TDRD5: variants seen among roughly 807,000 people sequenced by gnomAD.
The protein encoded by TDRD5 is tudor domain containing 5.
Under a neutral mutation model 120.6 loss-of-function variants are expected in TDRD5, and 41 were observed. That is an observed-to-expected ratio of 0.34 (90% confidence interval 0.26 to 0.44). The LOEUF (loss-of-function observed/expected upper bound fraction) is 0.44. Among genes scored for constraint, TDRD5 ranks in the 20% least tolerant of loss-of-function variants. TDRD5 has a pLI of 1.00. For missense variants in TDRD5, 1,006 were observed against 1,221.2 expected (o/e 0.82, Z 2.63); for synonymous variants, 430 against 433.7 (o/e 0.99, Z 0.11).
intron 14 of TDRD5, 42 bp from the exon 15 acceptor site, chr1:179,662,062 A>C (rs1679337977): frequency 1.3e-6 from 2 of 1,491,280 alleles, no homozygotes; most frequent in Non-Finnish European, 1.8e-6. Context: ...TCATATAGGA[A>C]CTATAAATGA....
At chr1:179,641,004 C>G (rs1313549554) in intron 11 of TDRD5, among the ~76,000 whole-genome samples, 1 of 152,132 alleles carries the variant, frequency 6.6e-6, no homozygotes, top group African/African-American at 2.4e-5. Flanking sequence ...AGATAATTCT[C>G]TAGCAACATT....
chr1:179,602,592 T>TG (rs1250581163), intron 4 of TDRD5, among the ~76,000 whole-genome samples: 26 of 152,354 alleles, frequency 1.7e-4, no homozygotes, highest in African/African-American at 5.8e-4. Flanking sequence ...TTCTCCTACA[T>TG]GCGGCTAGCC....
intron 10 of TDRD5, 56 bp from the exon 11 acceptor site, chr1:179,640,323 G>C (rs1677976852): frequency 3.8e-6 from 6 of 1,585,964 alleles, no homozygotes; most frequent in Non-Finnish European, 5.2e-6. Context: ...CATGCTAAGA[G>C]GTGCATTTAT....
intron 14 of TDRD5, among the ~76,000 whole-genome samples, chr1:179,658,397 T>C (rs1231780784): frequency 6.6e-6 from 1 of 152,154 alleles, no homozygotes; most frequent in Non-Finnish European, 1.5e-5. Context: ...GCCTGGAGAC[T>C]TTTTTCCAGA....
At chr1:179,687,780 C>T (rs1213019486) in intron 17 of TDRD5, among the ~76,000 whole-genome samples, 1 of 151,836 alleles carries the variant, frequency 6.6e-6, no homozygotes, top group Non-Finnish European at 1.5e-5. Flanking sequence ...TTGAATTGAT[C>T]CCTTTACCAT....
chr1:179,649,368 T>C (rs965475436), intron 11 of TDRD5, among the ~76,000 whole-genome samples: 1 of 152,138 alleles, frequency 6.6e-6, no homozygotes, highest in East Asian at 1.9e-4. Flanking sequence ...TTATTAAAAG[T>C]GTTAAAACTT....
chr1:179,681,734 A>T (rs1680430953), intron 17 of TDRD5, among the ~76,000 whole-genome samples: 2 of 151,284 alleles, frequency 1.3e-5, no homozygotes, highest in African/African-American at 4.9e-5. Context: ...CCAAAAAAAA[A>T]TTAATTTTTT....
At chr1:179,626,734 G>A (rs12047528) in intron 6 of TDRD5, among the ~76,000 whole-genome samples, 13,679 of 152,080 alleles carry the variant, frequency 0.09, 681 homozygotes, top group Middle Eastern at 0.12. Context: ...AACTTTTTCT[G>A]TGTTTGAAAT....
chr1:179,619,332 C>T (rs1017349039), intron 5 of TDRD5, among the ~76,000 whole-genome samples: 2 of 152,052 alleles, frequency 1.3e-5, no homozygotes, highest in African/African-American at 2.4e-5. Context: ...ATGTGAATTG[C>T]CTGTTTATGT....
intron 2 of TDRD5, among the ~76,000 whole-genome samples, chr1:179,593,066 A>G (rs566183332): frequency 2.6e-5 from 4 of 152,230 alleles, no homozygotes; most frequent in Non-Finnish European, 5.9e-5. Context: ...CACAAAAGCT[A>G]CATTTTTACA....
intron 17 of TDRD5, among the ~76,000 whole-genome samples, chr1:179,675,270 ATTATTTTTT>A (rs1196306953): frequency 1.7e-5 from 1 of 59,256 alleles, no homozygotes; most frequent in Non-Finnish European, 3.5e-5. Flanking sequence ...TATTATTATT[ATTATTTTTT>A]TTTTTTTTTT....
chr1:179,685,622 T>C (rs1680662918), intron 17 of TDRD5, among the ~76,000 whole-genome samples: 1 of 152,192 alleles, frequency 6.6e-6, no homozygotes, highest in African/African-American at 2.4e-5. Flanking sequence ...ACTCTATAAA[T>C]TACCTTGGGC....
rs1278922513 is a variant in TDRD5 at position 179,621,420 on chromosome 1, T to C, written c.972+329T>C. 2.0e-5 allele frequency among the ~76,000 whole-genome samples: 3 copies of C among 152,074 alleles called. No homozygotes were observed. The South Asian group carries it at 6.2e-4, about 32-fold the overall frequency. ...CACTGCTTGTGGGACAAAATGCTCTTAGGGAGCATTTTGGCATTATCAAGT... is the reference window on the plus strand; with the variant it reads ...CACTGCTTGTGGGACAAAATGCTCTCAGGGAGCATTTTGGCATTATCAAGT... On this transcript the variant is annotated intron_variant, in intron 6 of 17. Coordinates refer to ENST00000444136, the MANE Select transcript of TDRD5 (RefSeq NM_001199085.3).
intron 11 of TDRD5, among the ~76,000 whole-genome samples, chr1:179,646,770 A>G (rs1478494833): frequency 6.6e-6 from 1 of 152,158 alleles, no homozygotes; most frequent in Non-Finnish European, 1.5e-5. Flanking sequence ...AGGATACAAA[A>G]TCAATGTACA....
At chr1:179,605,515 G>A (rs764323515) in intron 4 of TDRD5, among the ~76,000 whole-genome samples, 9 of 152,116 alleles carry the variant, frequency 5.9e-5, no homozygotes, top group South Asian at 4.1e-4. Context: ...TCTTGGTGTT[G>A]TACATTCTGC....
intron 7 of TDRD5, among the ~76,000 whole-genome samples, chr1:179,631,851 A>ATT (rs745777571): frequency 0.079 from 5,869 of 74,020 alleles, 383 homozygotes; most frequent in Middle Eastern, 0.13. Flanking sequence ...AGGGCACTTG[A>ATT]TTTTTTTTTT....
rs763387781 is a variant in TDRD5 at position 179,592,820 on chromosome 1, G to C, written c.205G>C (p.Gly69Arg). 11 of 1,614,086 alleles carry C rather than the reference G, an allele frequency of 6.8e-6. No individual in the cohort carries two copies. Among genetic ancestry groups the C allele is most frequent in the Non-Finnish European group, 7.6e-6 (9 of 1,180,006 alleles). Reference sequence around the variant, plus strand: ...GCCTGATGTTGTTCGTGTCTGCCCCGGTGCAGGTGGTACTGTAATACTGAA... The same window carrying C: ...GCCTGATGTTGTTCGTGTCTGCCCCCGTGCAGGTGGTACTGTAATACTGAA... ...DMPDVVRVCPGAGGTVILKAI... is the reference protein window; with the variant it reads ...DMPDVVRVCPRAGGTVILKAI... Residue 69 changes from glycine (G) to arginine (R), a missense_variant, in exon 2 of 18, where the codon GGT (glycine) becomes CGT (arginine). Transcript: ENST00000444136.
At chr1:179,635,342 T>C (rs1196592734) in intron 8 of TDRD5, among the ~76,000 whole-genome samples, 2 of 152,238 alleles carry the variant, frequency 1.3e-5, no homozygotes, top group Non-Finnish European at 2.9e-5. Flanking sequence ...TGGTTCAGCC[T>C]GGATGTTTGA....
intron 17 of TDRD5, among the ~76,000 whole-genome samples, chr1:179,682,177 A>T (rs966857711): frequency 2.0e-5 from 3 of 150,250 alleles, no homozygotes; most frequent in Non-Finnish European, 3.0e-5. Context: ...GGTCATATAC[A>T]TTCTTTGTCT....
Sources: allele counts gnomAD v4.1 joint callset (sites outside exome capture counted in the v4.1 genomes callset), GRCh38; gene constraint gnomAD v4.1.1; transcripts MANE v1.5; gene names NCBI Gene and HGNC (gene_info 2026-07-23, HGNC 2026-07-21).